The following FRMD4A variants were observed in gnomAD, a reference collection of about 807,000 sequenced individuals.
FRMD4A encodes FERM domain-containing protein 4A.
FRMD4A carries 29 observed loss-of-function variants against 129.1 expected under a neutral mutation model. The ratio of observed to expected loss-of-function variants is 0.22; its 90% CI spans 0.17 to 0.31. The LOEUF is 0.31. Ranked by LOEUF, FRMD4A falls within the 10% of genes least tolerant of loss-of-function variation. FRMD4A has a pLI of 1.00. For missense variants in FRMD4A, 1,272 were observed against 1,375.8 expected, an observed-to-expected ratio of 0.92 and a Z score of 1.19; for synonymous variants, 634 against 571.6, an observed-to-expected ratio of 1.11 and a Z score of -1.56.
intron 15 of FRMD4A, among the ~76,000 whole-genome samples, chr10:13,688,400 G>A (rs942466828): frequency 6.6e-6 from 1 of 152,082 alleles, no homozygotes; most frequent in Non-Finnish European, 1.5e-5. Context: ...GTTGTGGGGT[G>A]GGGGACAGGG....
intron 2 of FRMD4A, among the ~76,000 whole-genome samples, chr10:14,126,981 C>T (rs1349895982): frequency 2.0e-5 from 3 of 152,170 alleles, no homozygotes; most frequent in African/African-American, 7.2e-5. Flanking sequence ...AGGGTCACAA[C>T]AGTGAGCAAG....
chr10:13,763,350 T>C (rs1185303302), intron 6 of FRMD4A, among the ~76,000 whole-genome samples: 4 of 152,246 alleles, frequency 2.6e-5, no homozygotes, highest in African/African-American at 9.6e-5. Flanking sequence ...AAAGGCTGTT[T>C]TTTGAAAGGA....
At chr10:14,318,650 C>T (rs1196304273) in intron 2 of FRMD4A, among the ~76,000 whole-genome samples, 1 of 151,378 alleles carries the variant, frequency 6.6e-6, no homozygotes, top group Admixed American at 6.6e-5. Flanking sequence ...AGATATCAAC[C>T]TATCACTCAT....
chr10:14,143,527 G>A (rs746742289), intron 2 of FRMD4A, among the ~76,000 whole-genome samples: 4 of 152,230 alleles, frequency 2.6e-5, no homozygotes, highest in Non-Finnish European at 4.4e-5. Context: ...TAAATGGATG[G>A]ATGGGGTGAT....
At chr10:13,953,224 CAATT>C (rs2095385902) in intron 2 of FRMD4A, among the ~76,000 whole-genome samples, 1 of 152,148 alleles carries the variant, frequency 6.6e-6, no homozygotes, top group African/African-American at 2.4e-5. Flanking sequence ...TTTGCAGGAA[CAATT>C]TTGTGTCCTG....
chr10:14,121,992 G>T (rs1838550398), intron 2 of FRMD4A, among the ~76,000 whole-genome samples: 1 of 152,176 alleles, frequency 6.6e-6, no homozygotes, highest in South Asian at 2.1e-4. Flanking sequence ...GGCACAGAAT[G>T]GTTTTCTACT....
chr10:13,689,004 GGCT>G (rs1193109139), intron 15 of FRMD4A, among the ~76,000 whole-genome samples: 2 of 151,878 alleles, frequency 1.3e-5, no homozygotes, highest in Non-Finnish European at 2.9e-5. Flanking sequence ...CACCTGGCCT[GGCT>G]TCTTTAATAG....
chr10:13,939,019 A>C (rs759247526), intron 2 of FRMD4A, among the ~76,000 whole-genome samples: 13 of 152,178 alleles, frequency 8.5e-5, no homozygotes, highest in Non-Finnish European at 1.5e-4. Flanking sequence ...GAATAGCACC[A>C]TCCTCCCCAC....
chr10:13,885,631 G>C (rs966383224), intron 2 of FRMD4A, among the ~76,000 whole-genome samples: 15 of 152,182 alleles, frequency 9.9e-5, no homozygotes, highest in Admixed American at 2.0e-4. Context: ...TATGCACGTG[G>C]TTTGTAGACT....
intron 2 of FRMD4A, among the ~76,000 whole-genome samples, chr10:13,915,980 T>G (rs2094999285): frequency 6.6e-6 from 1 of 152,190 alleles, no homozygotes; most frequent in Non-Finnish European, 1.5e-5. Context: ...ACTAGTAATT[T>G]GTATTCAGAG....
intron 2 of FRMD4A, among the ~76,000 whole-genome samples, chr10:13,968,516 G>A (rs1015581757): frequency 2.0e-5 from 3 of 152,192 alleles, no homozygotes; most frequent in African/African-American, 7.2e-5. Context: ...GCAATGGTGC[G>A]ATCTCAGCTC....
At chr10:13,693,449 T>G in intron 15 of FRMD4A, 3 of 1,008,202 alleles carry the variant, frequency 3.0e-6, no homozygotes, top group Non-Finnish European at 2.5e-6. Context: ...ATGGAGAGAG[T>G]ATTCCGCATT....
chr10:14,270,117 C>T (rs1845113211), intron 2 of FRMD4A, among the ~76,000 whole-genome samples: 1 of 152,206 alleles, frequency 6.6e-6, no homozygotes, highest in Admixed American at 6.5e-5. Context: ...GGCCTTTGGC[C>T]TCAGACTGAC....
intron 2 of FRMD4A, among the ~76,000 whole-genome samples, chr10:14,173,446 C>G (rs1395442124): frequency 6.6e-6 from 1 of 152,178 alleles, no homozygotes; most frequent in Non-Finnish European, 1.5e-5. Flanking sequence ...CAGGCTAGAG[C>G]AGTGCTCTGA....
intron 2 of FRMD4A, among the ~76,000 whole-genome samples, chr10:14,169,385 C>A (rs539002710): frequency 6.6e-6 from 1 of 152,290 alleles, no homozygotes; most frequent in South Asian, 2.1e-4. Context: ...ACACGCATAG[C>A]ATTCTTGCCT....
intron 2 of FRMD4A, among the ~76,000 whole-genome samples, chr10:13,926,105 A>G (rs7073047): frequency 0.17 from 25,990 of 152,062 alleles, 2,454 homozygotes; most frequent in African/African-American, 0.23. Context: ...CGAGGGGAAT[A>G]TATTCAACCC....
At chr10:14,049,126 G>A (rs1834138256) in intron 2 of FRMD4A, among the ~76,000 whole-genome samples, 1 of 152,178 alleles carries the variant, frequency 6.6e-6, no homozygotes, top group South Asian at 2.1e-4. Flanking sequence ...GTCTACTGCT[G>A]TACTCCTGAT....
chr10:13,789,769 A>ATGTGTGTGTGTG (rs57602565), intron 5 of FRMD4A, among the ~76,000 whole-genome samples: 11,329 of 129,854 alleles, frequency 0.087, 640 homozygotes, highest in Middle Eastern at 0.13. Flanking sequence ...GCTGCTTATA[A>ATGTGTGTGTGTG]TGTGTGTGTG....
intron 2 of FRMD4A, among the ~76,000 whole-genome samples, chr10:13,959,966 C>T (rs1272537687): frequency 2.0e-5 from 3 of 152,282 alleles, no homozygotes; most frequent in Non-Finnish European, 4.4e-5. Context: ...CCGTGGCTGC[C>T]CCAGAACAGG....
Sources: allele counts gnomAD v4.1 joint callset (sites outside exome capture counted in the v4.1 genomes callset), GRCh38; gene constraint gnomAD v4.1.1; transcripts MANE v1.5; gene names NCBI Gene and HGNC (gene_info 2026-07-23, HGNC 2026-07-21).